CNIH3: variants seen among roughly 807,000 people sequenced by gnomAD.
The protein encoded by CNIH3 is protein cornichon homolog 3.
In CNIH3, 14 loss-of-function variants were observed where a neutral mutation model predicts 24.1. The observed-to-expected ratio is 0.58, with a 90% CI of 0.38 to 0.91. The LOEUF is 0.91. Ranked by LOEUF, CNIH3 falls within the 40% of genes least tolerant of loss-of-function variation. CNIH3 has a pLI of 0.00. For synonymous variants in CNIH3, 68 were observed against 73.8 expected (o/e 0.92, Z 0.40); for missense variants, 178 against 196.8 (o/e 0.90, Z 0.57).
chr1:224,671,591 C>T lies in CNIH3; in HGVS notation c.82-9367C>T, dbSNP rs149237072. ...ACCAGGTAGCCCTGGACATTGCTAACGACCTCTCATTCTTCTTGATTCTTC... is the reference window on the plus strand; with the variant it reads ...ACCAGGTAGCCCTGGACATTGCTAATGACCTCTCATTCTTCTTGATTCTTC... On this transcript the variant is annotated intron_variant, in intron 1 of 5. Transcript: ENST00000272133. Among the ~76,000 whole-genome samples, 1,193 of 152,360 alleles carry T rather than the reference C, an allele frequency of 7.8e-3. 5 individuals are homozygous for T. Among genetic ancestry groups the T allele is most frequent in the Non-Finnish European group, 0.011 (750 of 68,046 alleles).
Position 224,556,616 on chromosome 1 carries a change from G to A in CNIH3, n.451-9583G>A, listed in dbSNP as rs573811657. 6.7e-4 allele frequency among the ~76,000 whole-genome samples: 102 copies of A among 152,264 alleles called. 1 individual carries two copies. Among genetic ancestry groups the A allele is most frequent in the Admixed American group, 1.9e-3 (29 of 15,286 alleles). ...ACTGTTCCACTTCAGATCATCAGGCGTTAGATTCTCATGAGGAATGTACAA... is the reference window on the plus strand; with the variant it reads ...ACTGTTCCACTTCAGATCATCAGGCATTAGATTCTCATGAGGAATGTACAA... On this transcript the variant is annotated intron_variant and non_coding_transcript_variant, in intron 3 of 5. Transcript: ENST00000471578.
intron 1 of CNIH3, among the ~76,000 whole-genome samples, chr1:224,670,361 T>G (rs918931817): frequency 6.6e-6 from 1 of 152,220 alleles, no homozygotes; most frequent in African/African-American, 2.4e-5. Flanking sequence ...GGTCTCATTT[T>G]CCTGACCAGC....
intron 1 of CNIH3, among the ~76,000 whole-genome samples, chr1:224,501,619 C>T (rs1359859491): frequency 2.7e-5 from 4 of 148,742 alleles, no homozygotes; most frequent in African/African-American, 7.5e-5. Flanking sequence ...CTCGCTCTGT[C>T]GCCCAGGCTG....
At chr1:224,659,501 G>T (rs1340813232) in intron 1 of CNIH3, among the ~76,000 whole-genome samples, 1 of 124,860 alleles carries the variant, frequency 8.0e-6, no homozygotes, top group Non-Finnish European at 1.8e-5. Context: ...AGCTCATTTA[G>T]ATAACCTGAA....
At chr1:224,626,376 G>A (rs919772552) in intron 1 of CNIH3, among the ~76,000 whole-genome samples, 2 of 152,180 alleles carry the variant, frequency 1.3e-5, no homozygotes, top group African/African-American at 2.4e-5. Context: ...TCCTGAACTG[G>A]TTTCTGAATA....
intron 1 of CNIH3, among the ~76,000 whole-genome samples, chr1:224,644,117 A>T (rs1684486211): frequency 1.3e-5 from 2 of 152,246 alleles, no homozygotes; most frequent in Admixed American, 1.3e-4. Flanking sequence ...CCAGCACCTC[A>T]GCAGGGCCTG....
At chr1:224,524,463 T>C (rs927126387) in intron 2 of CNIH3, among the ~76,000 whole-genome samples, 2 of 152,220 alleles carry the variant, frequency 1.3e-5, no homozygotes, top group Non-Finnish European at 2.9e-5. Context: ...GCCTCTAGGG[T>C]ATCAAACTAT....
chr1:224,594,371 G>C (rs1168721411), intron 3 of CNIH3, among the ~76,000 whole-genome samples: 1 of 152,134 alleles, frequency 6.6e-6, no homozygotes, highest in African/African-American at 2.4e-5. Context: ...TAAGCTATTA[G>C]AGCTTCATTA....
chr1:224,445,573 T>TA (rs1322585300), intron 1 of CNIH3, among the ~76,000 whole-genome samples: 9 of 47,336 alleles, frequency 1.9e-4, no homozygotes, highest in African/African-American at 7.4e-4. Context: ...GGGACTCTGC[T>TA]TAAAAAAAAA....
intron 1 of CNIH3, among the ~76,000 whole-genome samples, chr1:224,449,678 C>T (rs775976240): frequency 1.3e-5 from 2 of 152,062 alleles, no homozygotes; most frequent in African/African-American, 2.4e-5. Context: ...CTTTATAAAG[C>T]ATGAAACCAT....
At chr1:224,711,280 C>G (rs1270676058) in intron 3 of CNIH3, among the ~76,000 whole-genome samples, 3 of 151,826 alleles carry the variant, frequency 2.0e-5, no homozygotes, top group Non-Finnish European at 4.4e-5. Context: ...CCTTTTCATT[C>G]CTACTGCAAC....
intron 2 of CNIH3, among the ~76,000 whole-genome samples, chr1:224,681,322 TAAAC>T (rs1686390614): frequency 6.6e-6 from 1 of 152,170 alleles, no homozygotes; most frequent in Admixed American, 6.5e-5. Flanking sequence ...TACTCATCCT[TAAAC>T]AAGAAAAGAG....
intron 1 of CNIH3, among the ~76,000 whole-genome samples, chr1:224,480,029 C>G (rs1332880631): frequency 6.6e-6 from 1 of 152,148 alleles, no homozygotes; most frequent in Non-Finnish European, 1.5e-5. Flanking sequence ...CTATGAGGGC[C>G]CTGTCCCTGC....
chr1:224,475,638 C>T lies in CNIH3; in HGVS notation n.204-40103C>T, dbSNP rs141350260. Reference sequence around the variant, plus strand: ...AGCCTGGAACCTGATGGCTTCACTGCTGAATTTTACCAAATATTTTAAAAC... The same window carrying T: ...AGCCTGGAACCTGATGGCTTCACTGTTGAATTTTACCAAATATTTTAAAAC... On this transcript the variant is annotated intron_variant and non_coding_transcript_variant, in intron 1 of 5. Transcript: ENST00000471578. Among the ~76,000 whole-genome samples the T allele has an allele frequency of 3.0e-3, 457 of 152,278 alleles. 1 individual carries two copies. Among genetic ancestry groups the T allele is most frequent in the Non-Finnish European group, 5.0e-3 (339 of 68,012 alleles).
chr1:224,678,465 C>T (rs1466332096), intron 1 of CNIH3, among the ~76,000 whole-genome samples: 5 of 152,200 alleles, frequency 3.3e-5, no homozygotes, highest in Non-Finnish European at 5.9e-5. Context: ...GTACTTTACA[C>T]ACTTTAGAAT....
chr1:224,546,845 C>A, exon 3 of CNIH3: 1 of 974,762 alleles, frequency 1.0e-6, no homozygotes, highest in Non-Finnish European at 1.2e-6. Context: ...TCATGGAACA[C>A]CTTTCCTGAA....
chr1:224,450,126 A>G (rs1333912056), intron 1 of CNIH3, among the ~76,000 whole-genome samples: 1 of 152,204 alleles, frequency 6.6e-6, no homozygotes, highest in African/African-American at 2.4e-5. Flanking sequence ...GCTATATGCA[A>G]GACACTTCAA....
chr1:224,533,550 A>T (rs2124935159), intron 2 of CNIH3, among the ~76,000 whole-genome samples: 1 of 152,328 alleles, frequency 6.6e-6, no homozygotes, highest in African/African-American at 2.4e-5. Context: ...GAAGTCTGTC[A>T]TCGAGGTGTT....
intron 1 of CNIH3, among the ~76,000 whole-genome samples, chr1:224,639,196 A>G (rs945696062): frequency 5.3e-5 from 8 of 152,250 alleles, no homozygotes; most frequent in Admixed American, 1.3e-4. Flanking sequence ...TCTCTCTTCC[A>G]TAGGAAATTG....
Sources: allele counts gnomAD v4.1 joint callset (sites outside exome capture counted in the v4.1 genomes callset), GRCh38; gene constraint gnomAD v4.1.1; transcripts MANE v1.5; gene names NCBI Gene and HGNC (gene_info 2026-07-23, HGNC 2026-07-21).